The following MYOM3 variants were observed in gnomAD, a reference collection of about 807,000 sequenced individuals.
The protein encoded by MYOM3 is myomesin 3.
A neutral mutation model predicts 191.7 loss-of-function variants in MYOM3; 155 were observed. That is an observed-to-expected ratio of 0.81 (90% CI 0.71 to 0.92). The LOEUF (loss-of-function observed/expected upper bound fraction) is 0.92. Among genes scored for constraint, MYOM3 ranks in the 40% least tolerant of loss-of-function variants. The pLI is 0.00. For synonymous variants in MYOM3, 757 were observed against 762.9 expected, an observed-to-expected ratio of 0.99 and a Z score of 0.13; for missense variants, 1,889 against 1,890.6, an observed-to-expected ratio of 1.00 and a Z score of 0.02.
chr1:24,081,018 C>T (rs746874741), intron 19 of MYOM3, among the ~76,000 whole-genome samples: 5 of 152,194 alleles, frequency 3.3e-5, no homozygotes, highest in Non-Finnish European at 7.4e-5. Flanking sequence ...GTTACTCACC[C>T]TAGCAGTGCA....
intron 23 of MYOM3, among the ~76,000 whole-genome samples, chr1:24,072,931 T>C (rs1006347773): frequency 3.9e-5 from 6 of 152,188 alleles, no homozygotes; most frequent in African/African-American, 1.4e-4. Context: ...ATATGGACTG[T>C]GTGGATGAAT....
At position 24,068,325 on chromosome 1, in the gene MYOM3, C is replaced by T; in HGVS notation, c.3193G>A (p.Val1065Met). Residue 1065 changes from valine to methionine, a missense_variant, in exon 26 of 37, where the codon GTG becomes ATG. Physicochemically the swap from Val to Met is conservative, Grantham distance 21. Coordinates refer to ENST00000374434, the MANE Select transcript of MYOM3 (RefSeq NM_152372.4). ...TCCTCAGACAAGTTCTGGATGATCACTTCCACCAGGCCCTTCTCTCGGTCA... is the reference window on the plus strand; with the variant it reads ...TCCTCAGACAAGTTCTGGATGATCATTTCCACCAGGCCCTTCTCTCGGTCA... Reference protein sequence around the residue: ...NFDREKGLVEVIIQNLSEEDK... With the variant: ...NFDREKGLVEMIIQNLSEEDK... The T allele has an allele frequency of 6.2e-7, 1 of 1,614,116 alleles. No individual in the cohort carries two copies. The highest frequency in any genetic ancestry group is 1.1e-5 in the South Asian group (1 of 91,064).
intron 27 of MYOM3, among the ~76,000 whole-genome samples, chr1:24,067,662 A>G (rs1276174441): frequency 6.6e-6 from 1 of 151,984 alleles, no homozygotes; most frequent in Non-Finnish European, 1.5e-5. Flanking sequence ...GGGTTTCACC[A>G]TGTTGGCCAG....
intron 16 of MYOM3, chr1:24,083,717 G>A (rs1160076789): frequency 6.6e-6 from 1 of 152,340 alleles, no homozygotes; most frequent in East Asian, 1.9e-4. Flanking sequence ...CTCCTGGAGG[G>A]ATGAGACCAA....
At chr1:24,109,204 G>A (rs1383326939) in intron 1 of MYOM3, among the ~76,000 whole-genome samples, 1 of 152,164 alleles carries the variant, frequency 6.6e-6, no homozygotes, top group Non-Finnish European at 1.5e-5. Flanking sequence ...AACCCCAACT[G>A]AGGGCATGCT....
At chr1:24,084,385 T>C in intron 16 of MYOM3, 83 bp downstream of exon 16, 3 of 1,510,362 alleles carry the variant, frequency 2.0e-6, no homozygotes, top group Non-Finnish European at 2.8e-6. Context: ...TTAAACCTCT[T>C]TTCTTTATAA....
Position 24,063,064 on chromosome 1 carries a change from C to T in MYOM3, c.3770+62G>A, listed in dbSNP as rs1335968779. The T allele has an allele frequency of 6.2e-6, 7 of 1,132,732 alleles. No individual in the cohort carries two copies. The African/African-American group carries it at 7.6e-5, about 12-fold the overall frequency. 70.2% of individuals were successfully genotyped at this position (1,132,732 alleles called of 1,614,324 possible). On this transcript the variant is annotated intron_variant, in intron 32 of 36. Transcript: ENST00000374434. This position sits in a 1 kb window ranked among gnomAD's most constrained non-coding sequence, Gnocchi z 4.5. ...AGGCAGGGAGAAGGGAGGGAGGCCC[C>T]CATGGGTCAGGTGCTGAATCCTTTC...
At chr1:24,066,281 C>A (rs1028168605) in intron 28 of MYOM3, 4 of 713,204 alleles carry the variant, frequency 5.6e-6, no homozygotes, top group Non-Finnish European at 7.8e-6. Flanking sequence ...CCCTCCATCA[C>A]GATTCATCAA....
At chr1:24,076,808 C>T (rs56047442) in intron 20 of MYOM3, among the ~76,000 whole-genome samples, 1,542 of 57,648 alleles carry the variant, frequency 0.027, 434 homozygotes, top group Non-Finnish European at 0.053. Context: ...GCCACCGCGC[C>T]CGGCCCCTAA....
chr1:24,085,822 C>T (rs4341316), intron 15 of MYOM3, among the ~76,000 whole-genome samples: 48,590 of 148,702 alleles, frequency 0.33, 9,873 homozygotes, highest in East Asian at 0.44. Flanking sequence ...TCATATGTGC[C>T]GTGTGTGTAT....
chr1:24,096,396 T>G (rs1397866026), intron 7 of MYOM3, among the ~76,000 whole-genome samples: 2 of 152,138 alleles, frequency 1.3e-5, no homozygotes, highest in African/African-American at 2.4e-5. Flanking sequence ...ACCCTGGAGT[T>G]GCCAGCCTTG....
intron 6 of MYOM3, 26 bp downstream of exon 6, chr1:24,099,654 A>G (rs1026479164): frequency 6.4e-7 from 1 of 1,572,868 alleles, no homozygotes; most frequent in Non-Finnish European, 8.8e-7. Context: ...CTGGGGTCAT[A>G]GGTCTCTCCA....
intron 24 of MYOM3, 99 bp downstream of exon 24, chr1:24,071,870 G>A: frequency 8.0e-7 from 1 of 1,243,178 alleles, no homozygotes; most frequent in Non-Finnish European, 1.2e-6. Flanking sequence ...TCCCTCTGGG[G>A]TTGTTTCCTG....
rs78798490 is a variant in MYOM3, at chr1:24,090,776, G to A, written c.1432+21C>T. Reference sequence around the variant, plus strand: ...TCCCTGACTGATGTTCTAGAAAGTCGCTTAGGACCTCTGTACCCACCTGTC... The same window carrying A: ...TCCCTGACTGATGTTCTAGAAAGTCACTTAGGACCTCTGTACCCACCTGTC... On this transcript the variant is annotated intron_variant, in intron 12 of 36. Coordinates refer to ENST00000374434, the MANE Select transcript of MYOM3 (RefSeq NM_152372.4). 9.4e-3 allele frequency: 15,146 copies of A among 1,612,058 alleles called. 90 individuals carry two copies. Among genetic ancestry groups the A allele is most frequent in the Middle Eastern group, 0.013 (77 of 6,058 alleles).
Position 24,087,890 on chromosome 1 carries a change from CAAAT to C in MYOM3, c.1615-1067_1615-1064del, listed in dbSNP as rs1265497069. ...TATGTTTCTGGGACAAATGAATGAA[CAAAT>C]GAATGAATTCTCACAATAACCCTGC... On this transcript the variant is annotated intron_variant, in intron 14 of 36. Transcript: ENST00000374434. This position sits in a 1 kb window ranked among gnomAD's most constrained non-coding sequence, Gnocchi z 4.5. Among the ~76,000 whole-genome samples, 1 of 152,188 alleles carries C rather than the reference CAAAT, an allele frequency of 6.6e-6. No homozygotes were observed. Among genetic ancestry groups the C allele is most frequent in the African/African-American group, 2.4e-5 (1 of 41,438 alleles).
At position 24,094,995 on chromosome 1, in the gene MYOM3, C is replaced by T. The variant is rs764661520; in HGVS notation, c.791-5G>A. On this transcript the variant is annotated splice_polypyrimidine_tract_variant and splice_region_variant and intron_variant, in intron 8 of 36. Transcript: ENST00000374434. Reference sequence around the variant, plus strand: ...CGCTGGGGCCAAACGTCGATCCTGGCGTGGGAATGAAATTTGGGGCAGAAG... The same window carrying T: ...CGCTGGGGCCAAACGTCGATCCTGGTGTGGGAATGAAATTTGGGGCAGAAG... 2.5e-5 allele frequency: 40 copies of T among 1,610,312 alleles called. 1 individual carries two copies. Among genetic ancestry groups the T allele is most frequent in the African/African-American group, 1.1e-4 (8 of 74,776 alleles).
chr1:24,104,458 T>C (rs1643965976), intron 5 of MYOM3, among the ~76,000 whole-genome samples: 1 of 152,090 alleles, frequency 6.6e-6, no homozygotes, highest in African/African-American at 2.4e-5. Flanking sequence ...TCCTTGAAGG[T>C]GAGATTGTGT....
At chr1:24,062,253 A>C in intron 32 of MYOM3, 144 bp from the exon 33 acceptor site, 1 of 749,464 alleles carries the variant, frequency 1.3e-6, no homozygotes, top group Non-Finnish European at 2.2e-6. Flanking sequence ...ATATCCATTC[A>C]CTTACTCATT....
At position 24,063,579 on chromosome 1, in the gene MYOM3, G is replaced by T; in HGVS notation, c.3623-49C>A. 2.5e-6 allele frequency: 4 copies of T among 1,608,746 alleles called. No homozygotes were observed. The highest frequency in any genetic ancestry group is 2.6e-6 in the Non-Finnish European group (3 of 1,175,376). Reference sequence around the variant, plus strand: ...TTAGCTGGCATAGGGCTCCCCTAGGGATGTGCTAGGAGTGGGGACATCCTA... The same window carrying T: ...TTAGCTGGCATAGGGCTCCCCTAGGTATGTGCTAGGAGTGGGGACATCCTA... On this transcript the variant is annotated intron_variant, in intron 30 of 36. Transcript: ENST00000374434. This position sits in a 1 kb window ranked among gnomAD's most constrained non-coding sequence, Gnocchi z 4.5.
Sources: gnomAD v4.1 joint callset for allele counts (sites outside exome capture counted in the v4.1 genomes callset) on GRCh38, gnomAD v4.1.1 for gene constraint, Gnocchi (gnomAD v3.1) non-coding constraint, MANE v1.5 for transcripts, NCBI Gene and HGNC (gene_info 2026-07-23, HGNC 2026-07-21) for gene names.